MAGI1: variants seen among roughly 807,000 people sequenced by gnomAD.
MAGI1 encodes the protein membrane-associated guanylate kinase, WW and PDZ domain-containing protein 1.
In MAGI1, 58 loss-of-function variants were observed where a neutral mutation model predicts 139.9. That is an observed-to-expected ratio of 0.41 (90% CI 0.34 to 0.52). The LOEUF (loss-of-function observed/expected upper bound fraction) is 0.52. Among genes scored for constraint, MAGI1 ranks in the 20% least tolerant of loss-of-function variants. MAGI1 has a pLI of 0.12. For missense variants in MAGI1, 1,874 were observed against 1,901.6 expected (o/e 0.99, Z 0.27); for synonymous variants, 812 against 737.9 (o/e 1.10, Z -1.63).
intron 5 of MAGI1, 47 bp downstream of exon 5, chr3:65,470,236 G>C: frequency 7.3e-7 from 1 of 1,375,442 alleles, no homozygotes; most frequent in Non-Finnish European, 1.0e-6. Flanking sequence ...GGAAGGAAGG[G>C]AAAAGAAAGA....
At chr3:65,888,529 TA>T (rs1477527923) in intron 1 of MAGI1, among the ~76,000 whole-genome samples, 1 of 152,134 alleles carries the variant, frequency 6.6e-6, no homozygotes, top group African/African-American at 2.4e-5. Flanking sequence ...AAAATAAAAT[TA>T]TACAAGTAGT....
chr3:65,687,388 T>C (rs2088145839), intron 1 of MAGI1: 2 of 350,448 alleles, frequency 5.7e-6, no homozygotes, highest in Non-Finnish European at 1.2e-5. Context: ...TTGTACCACA[T>C]ATCCCGTTTG....
intron 1 of MAGI1, among the ~76,000 whole-genome samples, chr3:65,872,605 A>G (rs2059976298): frequency 6.6e-6 from 1 of 152,222 alleles, no homozygotes. Context: ...ATGTCTACCA[A>G]AACACTCAGA....
At chr3:65,615,857 G>T (rs1485819682) in intron 2 of MAGI1, among the ~76,000 whole-genome samples, 2 of 152,138 alleles carry the variant, frequency 1.3e-5, no homozygotes, top group African/African-American at 4.8e-5. Flanking sequence ...CTTATACATG[G>T]TGAAATAGGA....
In MAGI1 at chr3:65,391,293, C is replaced by A; in HGVS notation, c.2265G>T (p.Leu755=). 1 of 1,614,132 alleles carries A rather than the reference C, an allele frequency of 6.2e-7. No individual in the cohort carries two copies. Among genetic ancestry groups the A allele is most frequent in the Non-Finnish European group, 8.5e-7 (1 of 1,180,026 alleles). Residue 755 remains leucine, a synonymous_variant, in exon 14 of 23, where the codon CTG becomes CTT. Transcript: ENST00000402939. ...TGCTGTGGCTTGGGGATGCTGTGTG[C>A]AGGCTTCGGTGGCTGGAAACACTGT... ...SQHSVSSHRS[L]HTASPSHSTQ... is the part of the protein sequence containing the mutation.
chr3:65,975,419 A>G (rs2065216783), intron 1 of MAGI1, among the ~76,000 whole-genome samples: 1 of 152,170 alleles, frequency 6.6e-6, no homozygotes, highest in African/African-American at 2.4e-5. Context: ...AAAATTTAAG[A>G]AAATACTTTC....
At chr3:65,660,755 T>C (rs559525945) in intron 1 of MAGI1, among the ~76,000 whole-genome samples, 1 of 152,330 alleles carries the variant, frequency 6.6e-6, no homozygotes, top group African/African-American at 2.4e-5. Flanking sequence ...AATTCTGCTA[T>C]AATGAAAGAA....
intron 2 of MAGI1, among the ~76,000 whole-genome samples, chr3:65,515,112 G>C (rs2077798524): frequency 7.8e-6 from 1 of 128,288 alleles, no homozygotes; most frequent in African/African-American, 3.0e-5. Context: ...TGAACAATGA[G>C]ATCACATGGA....
intron 1 of MAGI1, among the ~76,000 whole-genome samples, chr3:66,015,160 C>T (rs112336272): frequency 0.085 from 10,141 of 119,870 alleles, 395 homozygotes; most frequent in Middle Eastern, 0.097. Flanking sequence ...CTAGGCAATA[C>T]AGTGAGACCC....
At position 65,648,148 on chromosome 3, in the gene MAGI1, T is replaced by C. The variant is rs2085366528; in HGVS notation, c.314-26060A>G. 2.0e-5 allele frequency among the ~76,000 whole-genome samples: 3 copies of C among 150,534 alleles called. No homozygotes were observed. In the South Asian group the frequency reaches 6.2e-4, roughly 31 times the overall value. ...CCAGATATACATCTGAAAATGAATG[T>C]ATTTCTTTTTTTTTTTTCTTTTTTG... is the stretch of plus-strand genomic sequence containing the variant. On this transcript the variant is annotated intron_variant, in intron 1 of 22. Coordinates refer to ENST00000402939, the MANE Select transcript of MAGI1 (RefSeq NM_001033057.2).
At position 65,955,300 on chromosome 3, in the gene MAGI1, G is replaced by T. The variant is rs375360632; in HGVS notation, c.313+82696C>A. 1.1e-3 allele frequency among the ~76,000 whole-genome samples: 174 copies of T among 152,336 alleles called. 1 individual carries two copies. Among genetic ancestry groups the T allele is most frequent in the African/African-American group, 4.0e-3 (165 of 41,566 alleles). On this transcript the variant is annotated intron_variant, in intron 1 of 22. Transcript: ENST00000402939. ...GCAGGAGGATCACTTGAGCCCAGCA[G>T]TTCAGGGCCAGCCTGGACAACACTG...
chr3:65,485,273 G>A (rs1951555437), intron 3 of MAGI1, among the ~76,000 whole-genome samples: 1 of 151,972 alleles, frequency 6.6e-6, no homozygotes, highest in Admixed American at 6.6e-5. Context: ...TTTCCTACCT[G>A]CCCCACCCTA....
At chr3:65,891,038 C>A (rs1458989988) in intron 1 of MAGI1, among the ~76,000 whole-genome samples, 1 of 151,908 alleles carries the variant, frequency 6.6e-6, no homozygotes, top group East Asian at 1.9e-4. Flanking sequence ...CACGGCAAAA[C>A]CCCATCTCTA....
At chr3:65,405,849 T>TC (rs1945294340) in intron 12 of MAGI1, among the ~76,000 whole-genome samples, 1 of 134,884 alleles carries the variant, frequency 7.4e-6, no homozygotes, top group Non-Finnish European at 1.7e-5. Flanking sequence ...CACCTCAGCC[T>TC]CCCAACGTGC....
At chr3:65,857,183 G>C (rs544125764) in intron 1 of MAGI1, among the ~76,000 whole-genome samples, 2 of 148,622 alleles carry the variant, frequency 1.3e-5, no homozygotes, top group East Asian at 3.9e-4. Flanking sequence ...GAAGCATTTA[G>C]AACAGGAAAC....
At chr3:65,627,593 C>G (rs1012301038) in intron 1 of MAGI1, among the ~76,000 whole-genome samples, 2 of 142,756 alleles carry the variant, frequency 1.4e-5, no homozygotes, top group African/African-American at 5.3e-5. Flanking sequence ...CTGCAAGTTC[C>G]GCCTCCCGGG....
intron 1 of MAGI1, among the ~76,000 whole-genome samples, chr3:65,967,302 C>T (rs564857775): frequency 2.6e-5 from 4 of 152,252 alleles, no homozygotes; most frequent in African/African-American, 7.2e-5. Context: ...ATTCTTTCAA[C>T]GTTGCTGTAT....
intron 1 of MAGI1, among the ~76,000 whole-genome samples, chr3:65,994,378 T>A (rs1315211852): frequency 1.3e-5 from 2 of 152,028 alleles, no homozygotes; most frequent in Non-Finnish European, 2.9e-5. Context: ...TCAGTGCCCT[T>A]TTCAAAATAC....
chr3:65,478,741 G>A lies in MAGI1; in HGVS notation c.608C>T (p.Thr203Met), dbSNP rs149314563. 1.3e-5 allele frequency: 21 copies of A among 1,613,968 alleles called. No individual in the cohort carries two copies. Among genetic ancestry groups the A allele is most frequent in the African/African-American group, 6.7e-5 (5 of 74,902 alleles). Residue 203 changes from threonine to methionine, a missense_variant, in exon 4 of 23, where the codon ACG (threonine) becomes ATG (methionine). Transcript: ENST00000402939. ...PSQPVSGKVI[T>M]TDALHSLQSG... ...CTGAAGGCTGTGCAAGGCATCCGTC[G>A]TGATCACTTTCCCACTGACTGGCTG...
Sources: allele counts gnomAD v4.1 joint callset (sites outside exome capture counted in the v4.1 genomes callset), GRCh38; gene constraint gnomAD v4.1.1; transcripts MANE v1.5; gene names NCBI Gene and HGNC (gene_info 2026-07-23, HGNC 2026-07-21).